Variants in GSG1L observed in about 807,000 individuals in gnomAD.
The protein encoded by GSG1L is germ cell-specific gene 1-like protein.
In GSG1L, 24 loss-of-function variants were observed where a neutral mutation model predicts 42.1. The ratio of observed to expected loss-of-function variants is 0.57; its 90% CI spans 0.41 to 0.80. The LOEUF (loss-of-function observed/expected upper bound fraction) is 0.80, where lower values mean the gene tolerates loss of function less well. Among genes scored for constraint, GSG1L ranks in the 30% least tolerant of loss-of-function variants. GSG1L has a pLI of 0.00. For missense variants in GSG1L, 445 were observed against 472.2 expected (o/e 0.94, Z 0.53); for synonymous variants, 215 against 203.5 (o/e 1.06, Z -0.48).
At chr16:27,791,661 T>A (rs1252406054) in intron 6 of GSG1L, among the ~76,000 whole-genome samples, 194 bp from the exon 7 acceptor site, 1 of 151,818 alleles carries the variant, frequency 6.6e-6, no homozygotes, top group Non-Finnish European at 1.5e-5. Flanking sequence ...AGCCACCCAG[T>A]CACCCACCAG....
At chr16:28,015,353 T>A (rs12921785) in intron 1 of GSG1L, among the ~76,000 whole-genome samples, 2,431 of 152,266 alleles carry the variant, frequency 0.016, 38 homozygotes, top group Non-Finnish European at 0.022. Context: ...AAAATTTTTT[T>A]AATTAGCCAG....
In GSG1L at chr16:27,789,567, T is replaced by C. The variant is rs111209370; in HGVS notation, c.*1803A>G. On this transcript the variant is annotated 3_prime_UTR_variant, in exon 7 of 7. Coordinates refer to ENST00000447459, the MANE Select transcript of GSG1L (RefSeq NM_001109763.2). ...GGATAAATGAAGAAATGCATAATGG[T>C]TGAATGGATAAGGGATGAATGGATG... 6.0e-5 allele frequency: 9 copies of C among 150,296 alleles called. No homozygotes were observed. The highest frequency in any genetic ancestry group is 2.2e-4 in the African/African-American group (9 of 40,744). The allele number at this position is 150,296 out of a possible 1,614,324, so 9.3% of individuals were successfully genotyped here.
chr16:28,019,550 T>G (rs565801204), intron 1 of GSG1L, among the ~76,000 whole-genome samples: 6 of 152,306 alleles, frequency 3.9e-5, no homozygotes, highest in South Asian at 4.1e-4. Context: ...CTTTTATTCC[T>G]TTACCTTCTT....
At position 27,907,216 on chromosome 16, in the gene GSG1L, C is replaced by T. The variant is rs572702764; in HGVS notation, c.398-22578G>A. On this transcript the variant is annotated intron_variant, in intron 2 of 6. Transcript: ENST00000447459. ...ACTGGAGCTGCCGGGAGCACCTCTGCCAGTACAGACCCCCTCAGAAGGAAA... is the reference window on the plus strand; with the variant it reads ...ACTGGAGCTGCCGGGAGCACCTCTGTCAGTACAGACCCCCTCAGAAGGAAA... 2.6e-5 allele frequency among the ~76,000 whole-genome samples: 4 copies of T among 152,230 alleles called. No homozygotes were observed. In the South Asian group the frequency reaches 8.3e-4, roughly 32 times the overall value.
chr16:28,031,650 T>G (rs2085965380), intron 1 of GSG1L, among the ~76,000 whole-genome samples: 1 of 152,212 alleles, frequency 6.6e-6, no homozygotes. Context: ...AAAGGTGGCC[T>G]AGAATTTTCT....
At chr16:27,838,971 C>T (rs1035099578) in intron 4 of GSG1L, among the ~76,000 whole-genome samples, 1 of 152,182 alleles carries the variant, frequency 6.6e-6, no homozygotes, top group African/African-American at 2.4e-5. Context: ...GCAGAGACAT[C>T]AGCACACACA....
intron 2 of GSG1L, among the ~76,000 whole-genome samples, chr16:27,954,618 A>C (rs2084985945): frequency 6.6e-6 from 1 of 152,232 alleles, no homozygotes; most frequent in East Asian, 1.9e-4. Context: ...AAGCCTCGTG[A>C]CAGTGCGTAT....
intron 5 of GSG1L, among the ~76,000 whole-genome samples, chr16:27,816,628 C>T (rs974572731): frequency 7.2e-5 from 11 of 152,244 alleles, no homozygotes; most frequent in African/African-American, 2.4e-4. Context: ...TGTTTGTGAA[C>T]TGCCATGGGG....
At chr16:27,921,775 C>T (rs897212040) in intron 2 of GSG1L, among the ~76,000 whole-genome samples, 1 of 152,110 alleles carries the variant, frequency 6.6e-6, no homozygotes, top group Non-Finnish European at 1.5e-5. Flanking sequence ...GTTTTAGTGA[C>T]CTGTCTTATG....
chr16:27,872,443 A>T (rs767210586), intron 3 of GSG1L, among the ~76,000 whole-genome samples: 3 of 152,146 alleles, frequency 2.0e-5, no homozygotes, highest in Non-Finnish European at 2.9e-5. Context: ...TAAAATGGGG[A>T]CAATAAGAGC....
chr16:27,924,159 ATATATGCACAAATATATATAATGTC>A (rs2084564255), intron 2 of GSG1L, among the ~76,000 whole-genome samples: 1 of 151,648 alleles, frequency 6.6e-6, no homozygotes, highest in African/African-American at 2.4e-5. Context: ...AATATATAAT[ATATATGCACAAATATATATAATGTC>A]TATATACACA....
intron 2 of GSG1L, among the ~76,000 whole-genome samples, chr16:27,888,539 CTTTCT>C: frequency 3.5e-5 from 1 of 28,506 alleles, no homozygotes; most frequent in African/African-American, 1.0e-4. Flanking sequence ...TTCTTTCTTT[CTTTCT>C]TTCTTTCTTT....
chr16:27,967,195 A>C (rs1430646831), intron 1 of GSG1L, among the ~76,000 whole-genome samples: 7 of 152,220 alleles, frequency 4.6e-5, no homozygotes, highest in Non-Finnish European at 1.0e-4. Flanking sequence ...GAGCTTCCTA[A>C]GTTCTCTGAT....
At chr16:27,888,656 C>T (rs1392450239) in intron 2 of GSG1L, among the ~76,000 whole-genome samples, 1 of 151,300 alleles carries the variant, frequency 6.6e-6, no homozygotes, top group Non-Finnish European at 1.5e-5. Context: ...CTCACTCTGT[C>T]ACCCAGGCTG....
chr16:27,853,171 C>G (rs532545915), intron 3 of GSG1L, among the ~76,000 whole-genome samples: 140 of 152,338 alleles, frequency 9.2e-4, no homozygotes, highest in Non-Finnish European at 1.8e-3. Context: ...CTGAACGTAT[C>G]TAAAATATCC....
At chr16:27,833,412 T>G (rs1289062067) in intron 4 of GSG1L, among the ~76,000 whole-genome samples, 1 of 152,212 alleles carries the variant, frequency 6.6e-6, no homozygotes, top group Non-Finnish European at 1.5e-5. Context: ...CAATAAGTTT[T>G]CAAATTGAGT....
intron 2 of GSG1L, among the ~76,000 whole-genome samples, chr16:27,955,188 C>T (rs758679757): frequency 3.3e-5 from 5 of 151,726 alleles, no homozygotes; most frequent in Non-Finnish European, 5.9e-5. Flanking sequence ...GGTAGAGAAG[C>T]AAACTTAAAA....
At chr16:27,973,437 C>CCCAAAA (rs2085215078) in intron 1 of GSG1L, among the ~76,000 whole-genome samples, 1 of 27,398 alleles carries the variant, frequency 3.6e-5, no homozygotes, top group African/African-American at 1.4e-4. Context: ...AAGACCCCAT[C>CCCAAAA]ACAAAAAAAA....
intron 1 of GSG1L, among the ~76,000 whole-genome samples, chr16:28,006,597 CCGCG>C (rs2085642267): frequency 6.6e-6 from 1 of 152,174 alleles, no homozygotes; most frequent in African/African-American, 2.4e-5. Flanking sequence ...GCATGAGCCA[CCGCG>C]CCTGCCCCAT....
Sources: allele counts gnomAD v4.1 joint callset (sites outside exome capture counted in the v4.1 genomes callset), GRCh38; gene constraint gnomAD v4.1.1; transcripts MANE v1.5; gene names NCBI Gene and HGNC (gene_info 2026-07-23, HGNC 2026-07-21).